The following COL6A6 variants were observed in gnomAD, a reference collection of about 807,000 sequenced individuals.
COL6A6 encodes the protein collagen type VI alpha 6 chain.
COL6A6 carries 183 observed loss-of-function variants against 208.6 expected under a neutral mutation model. The ratio of observed to expected loss-of-function variants is 0.88; its 90% confidence interval spans 0.78 to 0.99. COL6A6 has a LOEUF of 0.99. Ranked by LOEUF, COL6A6 falls within the 50% of genes least tolerant of loss-of-function variation. The probability of loss-of-function intolerance (pLI) is 0.00; values close to 1 mark genes in which losing one functional copy is unlikely to be tolerated. For missense variants in COL6A6, 2,816 were observed against 2,815.2 expected (o/e 1.00, Z -0.01); for synonymous variants, 973 against 1,011.8 (o/e 0.96, Z 0.73).
In COL6A6 at chr3:130,593,246, A is replaced by G; in HGVS notation, c.4464A>G (p.Gly1488=). 1.9e-6 allele frequency: 3 copies of G among 1,611,500 alleles called. No individual in the cohort carries two copies. The highest frequency in any genetic ancestry group is 2.5e-6 in the Non-Finnish European group (3 of 1,177,656). The change falls in exon 17 of 37, where the codon GGA becomes GGG. Residue 1488 remains glycine (G), a synonymous_variant. Coordinates refer to ENST00000358511, the MANE Select transcript of COL6A6 (RefSeq NM_001102608.3). ...PGRKGEKGDE[G]SQGSPGKRGT... ...GAAAAGGAGAAAAGGGAGATGAGGG[A>G]TCTCAGGTAGGGATTTGAAAAGGAA... is the stretch of plus-strand genomic sequence containing the variant.
At chr3:130,651,189 A>G (rs1457647074) in intron 33 of COL6A6, among the ~76,000 whole-genome samples, 1 of 152,152 alleles carries the variant, frequency 6.6e-6, no homozygotes, top group Non-Finnish European at 1.5e-5. Flanking sequence ...GCATTTTGGG[A>G]GGCTGAGGCG....
Position 130,591,078 on chromosome 3 carries a change from G to A in COL6A6, c.4256G>A (p.Gly1419Glu), listed in dbSNP as rs1347260099. The A allele has an allele frequency of 6.3e-6, 10 of 1,583,862 alleles. No individual in the cohort carries two copies. Among genetic ancestry groups the A allele is most frequent in the Non-Finnish European group, 8.6e-6 (10 of 1,163,038 alleles). Residue 1419 changes from glycine to glutamate, a missense_variant, in exon 13 of 37, where the codon GGA becomes GAA. By Grantham distance (98) the Gly-to-Glu change is moderately conservative (BLOSUM62 -2). Transcript: ENST00000358511. ...TTTAAAGGCAGTGAAGGCTACCTGG[G>A]AGAGGAGGGAATCGCTGTAAGTCAG... Reference protein sequence around the residue: ...PGFKGSEGYLGEEGIAGERGA... With the variant: ...PGFKGSEGYLEEEGIAGERGA...
intron 23 of COL6A6, among the ~76,000 whole-genome samples, chr3:130,612,816 A>G (rs1431530162): frequency 3.3e-5 from 5 of 152,188 alleles, no homozygotes; most frequent in Non-Finnish European, 5.9e-5. Context: ...CCTGCTGGCC[A>G]TGTATATATC....
At chr3:130,611,278 C>T (rs1306634420) in intron 23 of COL6A6, among the ~76,000 whole-genome samples, 1 of 152,170 alleles carries the variant, frequency 6.6e-6, no homozygotes, top group Non-Finnish European at 1.5e-5. Flanking sequence ...AACTAGAGAA[C>T]TTGTTAAAGT....
chr3:130,654,050 A>G (rs1488624061), intron 33 of COL6A6, among the ~76,000 whole-genome samples: 1 of 152,228 alleles, frequency 6.6e-6, no homozygotes, highest in East Asian at 1.9e-4. Context: ...TAATTAGCAA[A>G]TGGCAGCAAT....
In COL6A6 at chr3:130,661,843, T is replaced by C. The variant is rs756974418; in HGVS notation, c.6037T>C (p.Leu2013=). Residue 2013 remains leucine, a synonymous_variant, in exon 35 of 37, where the codon TTG becomes CTG. Coordinates refer to ENST00000358511, the MANE Select transcript of COL6A6 (RefSeq NM_001102608.3). ...TSVTGDRVAL[L]SHAPPDFLPN... ...TGTCACTGGAGACCGGGTGGCCCTA[T>C]TGAGCCATGCTCCCCCCGACTTCCT... is the stretch of plus-strand genomic sequence containing the variant. 9.3e-6 allele frequency: 15 copies of C among 1,613,798 alleles called. No homozygotes were observed. In the Middle Eastern group the frequency reaches 4.9e-4, roughly 53 times the overall value.
chr3:130,601,004 G>T (rs1044870485), intron 20 of COL6A6, among the ~76,000 whole-genome samples: 7 of 152,044 alleles, frequency 4.6e-5, no homozygotes, highest in African/African-American at 1.7e-4. Flanking sequence ...TATTTTATTT[G>T]TTATTTTTTC....
At chr3:130,540,250 C>T (rs1052068024) in intron 1 of COL6A6, among the ~76,000 whole-genome samples, 1 of 152,160 alleles carries the variant, frequency 6.6e-6, no homozygotes, top group Non-Finnish European at 1.5e-5. Flanking sequence ...TCCCATATAT[C>T]CTCTATCACA....
intron 28 of COL6A6, among the ~76,000 whole-genome samples, chr3:130,640,110 A>ATTTTCATCTTT (rs2065268385): frequency 6.6e-6 from 1 of 152,232 alleles, no homozygotes; most frequent in African/African-American, 2.4e-5. Context: ...GGAGATTCCT[A>ATTTTCATCTTT]AAATGATTTT....
intron 36 of COL6A6, among the ~76,000 whole-genome samples, chr3:130,671,909 A>C (rs1163908082): frequency 6.6e-6 from 1 of 152,242 alleles, no homozygotes; most frequent in Non-Finnish European, 1.5e-5. Flanking sequence ...TTATTGCTTC[A>C]TCCAGCCAGG....
chr3:130,600,122 G>C (rs4129818), intron 20 of COL6A6, among the ~76,000 whole-genome samples: 33,318 of 152,176 alleles, frequency 0.22, 6,024 homozygotes, highest in African/African-American at 0.49. Flanking sequence ...GATCACCTGT[G>C]ATAGCGTTTT....
chr3:130,591,846 C>T (rs971649495), intron 13 of COL6A6, among the ~76,000 whole-genome samples: 17 of 152,096 alleles, frequency 1.1e-4, no homozygotes, highest in Admixed American at 6.5e-4. Flanking sequence ...GAGAGGGGAA[C>T]GCTGCGAACA....
intron 4 of COL6A6, among the ~76,000 whole-genome samples, 159 bp from the exon 5 acceptor site, chr3:130,566,543 T>G (rs1339455506): frequency 3.9e-5 from 6 of 152,226 alleles, no homozygotes; most frequent in Non-Finnish European, 2.9e-5. Flanking sequence ...GATGTTAAGA[T>G]TCCCCCATTT....
chr3:130,559,383 C>G (rs2062831892), intron 1 of COL6A6, among the ~76,000 whole-genome samples: 1 of 152,120 alleles, frequency 6.6e-6, no homozygotes, highest in Non-Finnish European at 1.5e-5. Flanking sequence ...TCTCAAGTTG[C>G]AGAATGTCAG....
intron 1 of COL6A6, among the ~76,000 whole-genome samples, chr3:130,533,288 AGC>A (rs1371667733): frequency 6.7e-6 from 1 of 149,392 alleles, no homozygotes; most frequent in Non-Finnish European, 1.5e-5. Context: ...AACGGTGTCA[AGC>A]ACAGGTGCTC....
chr3:130,659,225 T>C (rs1176852548), intron 34 of COL6A6, among the ~76,000 whole-genome samples: 2 of 152,212 alleles, frequency 1.3e-5, no homozygotes, highest in African/African-American at 4.8e-5. Context: ...ACATTTCTCA[T>C]TGAAAAAAGG....
chr3:130,647,597 C>A (rs1358401476), intron 32 of COL6A6, among the ~76,000 whole-genome samples: 2 of 152,216 alleles, frequency 1.3e-5, no homozygotes, highest in African/African-American at 4.8e-5. Context: ...ACTGGTACTT[C>A]TTTTGCCTTT....
intron 10 of COL6A6, 108 bp from the exon 11 acceptor site, chr3:130,586,398 C>A: frequency 1.1e-6 from 1 of 934,286 alleles, no homozygotes; most frequent in Non-Finnish European, 1.6e-6. Context: ...AGTAAACTGA[C>A]TGTTCTTCTT....
chr3:130,622,654 G>C (rs372395819), intron 24 of COL6A6, among the ~76,000 whole-genome samples: 8 of 151,660 alleles, frequency 5.3e-5, no homozygotes, highest in Admixed American at 3.9e-4. Flanking sequence ...TCAGGAGATC[G>C]AGACCATCCT....
Sources: gnomAD v4.1 joint callset for allele counts (sites outside exome capture counted in the v4.1 genomes callset) on GRCh38, gnomAD v4.1.1 for gene constraint, MANE v1.5 for transcripts, NCBI Gene and HGNC (gene_info 2026-07-23, HGNC 2026-07-21) for gene names.